Variants in STAU2 observed in about 807,000 individuals in gnomAD.
STAU2 encodes staufen double-stranded RNA binding protein 2, also known as double-stranded RNA-binding protein Staufen homolog 2.
In STAU2, 20 loss-of-function variants were observed where a neutral mutation model predicts 65.9. The ratio of observed to expected loss-of-function variants is 0.30; its 90% CI spans 0.21 to 0.44. The LOEUF is 0.44. STAU2 is among the 20% of genes least tolerant of loss of function. The probability of loss-of-function intolerance (pLI) is 1.00; values close to 1 mark genes in which losing one functional copy is unlikely to be tolerated. For missense variants in STAU2, 558 were observed against 683.9 expected (o/e 0.82, Z 2.05); for synonymous variants, 232 against 233.9 (o/e 0.99, Z 0.07).
intron 13 of STAU2, among the ~76,000 whole-genome samples, chr8:73,427,734 T>A (rs1234373732): frequency 2.0e-5 from 3 of 152,248 alleles, no homozygotes; most frequent in Non-Finnish European, 2.9e-5. Flanking sequence ...CAAGGACCAA[T>A]CCATGCCAGA....
At chr8:73,721,317 T>C (rs1328808370) in intron 3 of STAU2, among the ~76,000 whole-genome samples, 4 of 63,902 alleles carry the variant, frequency 6.3e-5, no homozygotes, top group Admixed American at 3.3e-4. Flanking sequence ...AAAAAAAAAG[T>C]CCTTTATGGC....
intron 4 of STAU2, among the ~76,000 whole-genome samples, chr8:73,701,415 C>A (rs1392318961): frequency 6.6e-6 from 1 of 151,948 alleles, no homozygotes; most frequent in Non-Finnish European, 1.5e-5. Context: ...ATAAGAAGCT[C>A]AAATAACTCT....
chr8:73,449,037 G>A (rs555066152), intron 13 of STAU2, among the ~76,000 whole-genome samples: 1 of 152,252 alleles, frequency 6.6e-6, no homozygotes, highest in Non-Finnish European at 1.5e-5. Flanking sequence ...GGCCCCCGGC[G>A]CAGGAGCAAG....
rs1807360901 is a variant in STAU2 at position 73,551,939 on chromosome 8, T to C, written c.1530+73A>G. ...CCATACTAGCAGGCAAGAATGAGCC[T>C]TGTGATGTATACAGATGAAGAATCT... On this transcript the variant is annotated intron_variant, in intron 13 of 14. Transcript: ENST00000524300. 20 of 1,481,920 alleles carry C rather than the reference T, an allele frequency of 1.3e-5. 1 individual carries two copies. The South Asian group carries it at 2.0e-4, about 15-fold the overall frequency. 91.8% of individuals were successfully genotyped at this position (1,481,920 alleles called of 1,614,324 possible).
chr8:73,580,207 T>C (rs144583947), intron 12 of STAU2, among the ~76,000 whole-genome samples: 4 of 152,304 alleles, frequency 2.6e-5, no homozygotes, highest in South Asian at 2.1e-4. Context: ...CAAAAAACCA[T>C]AGTGAGTTAG....
chr8:73,568,470 C>T (rs7014309), intron 12 of STAU2, among the ~76,000 whole-genome samples: 27,984 of 151,908 alleles, frequency 0.18, 2,773 homozygotes, highest in African/African-American at 0.24. Flanking sequence ...GGGTGTGGTG[C>T]CACGTGCCTG....
intron 1 of STAU2, chr8:73,742,307 C>G: frequency 1.1e-6 from 1 of 874,584 alleles, no homozygotes; most frequent in Non-Finnish European, 1.4e-6. Context: ...CTGAGGCGGA[C>G]GGATCACCTG....
chr8:73,709,043 C>G lies in STAU2; in HGVS notation c.103G>C (p.Ala35Pro). Residue 35 changes from alanine to proline, a missense_variant, in exon 4 of 15, where the codon GCT becomes CCT. This residue lies in a region of STAU2 where 112 missense variants were observed against 114.2 expected (regional missense o/e 0.98). Transcript: ENST00000524300. ...CTTCATAACCTTACCTTTGAATGAG[C>G]AGGCCCTCTTTCATTCAGAAGTTTA... is the stretch of plus-strand genomic sequence containing the variant. ...QYKLLNERGP[A>P]HSKMFSVQLS... The G allele has an allele frequency of 6.5e-7, 1 of 1,526,912 alleles. No individual in the cohort carries two copies. Among genetic ancestry groups the G allele is most frequent in the Non-Finnish European group, 8.8e-7 (1 of 1,142,320 alleles). 94.6% of individuals were successfully genotyped at this position (1,526,912 alleles called of 1,614,324 possible). A position where few individuals can be genotyped will look rare whatever the true frequency, so the allele number is the denominator to read the frequency against.
In STAU2 at chr8:73,738,332, C is replaced by G. The variant is rs1173606794; in HGVS notation, c.-66G>C. 2 of 1,586,040 alleles carry G rather than the reference C, an allele frequency of 1.3e-6. No homozygotes were observed. Among genetic ancestry groups the G allele is most frequent in the African/African-American group, 1.4e-5 (1 of 73,058 alleles). ...GACAATATTGACCAAACTGCTGTATCCCTCACGGCTCCAAAAACTGGAAAA... is the reference window on the plus strand; with the variant it reads ...GACAATATTGACCAAACTGCTGTATGCCTCACGGCTCCAAAAACTGGAAAA... On this transcript the variant is annotated 5_prime_UTR_variant, in exon 3 of 15. Transcript: ENST00000524300.
chr8:73,705,598 T>C (rs193245030), intron 4 of STAU2, among the ~76,000 whole-genome samples: 153 of 152,328 alleles, frequency 1.0e-3, no homozygotes, highest in African/African-American at 3.5e-3. Context: ...AAAAAATAAC[T>C]GTATACAGGT....
rs1811813259 is a variant in STAU2, at chr8:73,603,788, C to T, written c.967G>A (p.Glu323Lys). 1 of 1,611,934 alleles carries T rather than the reference C, an allele frequency of 6.2e-7. No homozygotes were observed. Residue 323 changes from glutamate (E) to lysine (K), a missense_variant, in exon 10 of 15, where the codon GAG becomes AAG. Around this residue, in one of 3 missense-constraint regions of STAU2, gnomAD observed 199 missense variants for 299.5 expected, o/e 0.66. Coordinates refer to ENST00000524300, the MANE Select transcript of STAU2 (RefSeq NM_001164380.2). The part of the protein sequence containing the change: ...AQIQQAKKEK[E>K]PDYVLLSERG... Reference sequence around the variant, plus strand: ...TCTGAAAGCAAAACATAATCCGGCTCCTTTTCCTTTTTGGCCTGTTGAATT... The same window carrying T: ...TCTGAAAGCAAAACATAATCCGGCTTCTTTTCCTTTTTGGCCTGTTGAATT...
At position 73,581,901 on chromosome 8, in the gene STAU2, T is replaced by C. The variant is rs566904345; in HGVS notation, c.1222+869A>G. Among the ~76,000 whole-genome samples, 8 of 152,298 alleles carry C rather than the reference T, an allele frequency of 5.3e-5. No homozygotes were observed. The South Asian group carries it at 1.7e-3, about 32-fold the overall frequency. The stretch of plus-strand genomic sequence containing the variant: ...CCACTAATATCAAAGACTAAAACCA[T>C]GGATTACGATAATTTACAGATTTAA... On this transcript the variant is annotated intron_variant, in intron 12 of 14. Coordinates refer to ENST00000524300, the MANE Select transcript of STAU2 (RefSeq NM_001164380.2).
At chr8:73,688,258 C>T (rs1419519013) in intron 5 of STAU2, among the ~76,000 whole-genome samples, 2 of 150,778 alleles carry the variant, frequency 1.3e-5, no homozygotes, top group Non-Finnish European at 1.5e-5. Context: ...CTCACTGCAA[C>T]CTCCATCTCC....
intron 1 of STAU2, among the ~76,000 whole-genome samples, chr8:73,744,014 C>G (rs184894639): frequency 4.6e-5 from 7 of 152,212 alleles, no homozygotes; most frequent in African/African-American, 1.7e-4. Flanking sequence ...TCCTGATCCA[C>G]CTGCCTCGGC....
At chr8:73,630,501 C>A (rs1814010722) in intron 6 of STAU2, among the ~76,000 whole-genome samples, 1 of 152,220 alleles carries the variant, frequency 6.6e-6, no homozygotes, top group Non-Finnish European at 1.5e-5. Flanking sequence ...CTCCTGTTCA[C>A]AATACAGATA....
chr8:73,571,461 A>G (rs1386768749), intron 12 of STAU2, among the ~76,000 whole-genome samples: 2 of 152,228 alleles, frequency 1.3e-5, no homozygotes, highest in East Asian at 1.9e-4. Flanking sequence ...TCAGCACCAC[A>G]TCGCACTTAT....
intron 10 of STAU2, among the ~76,000 whole-genome samples, chr8:73,601,706 T>C (rs1811640443): frequency 6.6e-6 from 1 of 152,108 alleles, no homozygotes; most frequent in Non-Finnish European, 1.5e-5. Flanking sequence ...CAGCCAAATG[T>C]CCCCATTTGA....
intron 4 of STAU2, among the ~76,000 whole-genome samples, chr8:73,708,784 C>A (rs1447283868): frequency 6.6e-6 from 1 of 151,992 alleles, no homozygotes; most frequent in Non-Finnish European, 1.5e-5. Context: ...AAATGGAAAT[C>A]AAAAATCCAT....
At chr8:73,729,475 G>A (rs930872028) in intron 3 of STAU2, among the ~76,000 whole-genome samples, 2 of 152,192 alleles carry the variant, frequency 1.3e-5, no homozygotes, top group African/African-American at 4.8e-5. Context: ...GGAAGAGTTT[G>A]AGAGCGATTC....
Sources: gnomAD v4.1 joint callset for allele counts (sites outside exome capture counted in the v4.1 genomes callset) on GRCh38, gnomAD v4.1.1 for gene constraint, gnomAD v4.1.1 regional missense constraint, MANE v1.5 for transcripts, NCBI Gene and HGNC (gene_info 2026-07-23, HGNC 2026-07-21) for gene names.